OCA2: variants seen among roughly 807,000 people sequenced by gnomAD.
OCA2 encodes the protein OCA2 melanosomal transmembrane protein.
Under a neutral mutation model 100.2 loss-of-function variants are expected in OCA2, and 77 were observed. The ratio of observed to expected loss-of-function variants is 0.77; its 90% confidence interval spans 0.64 to 0.93. The LOEUF is 0.93. Among genes scored for constraint, OCA2 ranks in the 40% least tolerant of loss-of-function variants. The pLI, the probability that OCA2 is intolerant of heterozygous loss-of-function variation, is 0.00. For missense variants in OCA2, 1,062 were observed against 1,089.1 expected (o/e 0.98, Z 0.35); for synonymous variants, 432 against 439.2 (o/e 0.98, Z 0.21).
intron 1 of OCA2, among the ~76,000 whole-genome samples, chr15:28,098,312 T>G (rs996673132): frequency 1.3e-5 from 2 of 152,234 alleles, no homozygotes; most frequent in African/African-American, 4.8e-5. Flanking sequence ...CTATGAGAGA[T>G]AGTTATCCCC....
At chr15:27,770,779 A>ATCCTTCCTCCCTCCCTCTTT (rs2031688436) in intron 23 of OCA2, among the ~76,000 whole-genome samples, 2 of 61,756 alleles carry the variant, frequency 3.2e-5, no homozygotes, top group East Asian at 2.8e-4. Flanking sequence ...CCTCCCTTCC[A>ATCCTTCCTCCCTCCCTCTTT]TCCTTCCTTC....
At chr15:28,082,281 A>C (rs1038960991) in intron 1 of OCA2, among the ~76,000 whole-genome samples, 2 of 152,158 alleles carry the variant, frequency 1.3e-5, no homozygotes, top group African/African-American at 2.4e-5. Context: ...AGGGAATAAA[A>C]GGCTGGCTAC....
the OCA2 span, among the ~76,000 whole-genome samples, chr15:27,742,746 A>G: frequency 2.1e-3 from 325 of 152,316 alleles, 3 homozygotes; most frequent in African/African-American, 7.2e-3. Flanking sequence ...CTTTATATGT[A>G]TGATAGAATC....
At position 27,895,351 on chromosome 15, in the gene OCA2, G is replaced by A. The variant is rs556860487; in HGVS notation, c.2080-23429C>T. Among the ~76,000 whole-genome samples the A allele has an allele frequency of 2.8e-3, 424 of 152,312 alleles. 3 individuals are homozygous for A. Among genetic ancestry groups the A allele is most frequent in the African/African-American group, 9.8e-3 (408 of 41,560 alleles). The stretch of plus-strand genomic sequence containing the variant: ...AAAATGTGGAAGCAACTTTGGAACC[G>A]GGTGACAGGCAGAGGTTGGAACAGT... On this transcript the variant is annotated intron_variant, in intron 19 of 23. Coordinates refer to ENST00000354638, the MANE Select transcript of OCA2 (RefSeq NM_000275.3).
intron 14 of OCA2, among the ~76,000 whole-genome samples, chr15:27,978,671 T>TATAG (rs2041045962): frequency 6.6e-6 from 1 of 151,194 alleles, no homozygotes; most frequent in African/African-American, 2.4e-5. Flanking sequence ...TGTATATATA[T>TATAG]AGAGAGAGAG....
intron 19 of OCA2, among the ~76,000 whole-genome samples, chr15:27,887,484 TACC>T (rs1437962021): frequency 1.3e-5 from 2 of 150,868 alleles, no homozygotes; most frequent in African/African-American, 4.9e-5. Flanking sequence ...TACAAAGAGA[TACC>T]AGTGACTGGA....
intron 21 of OCA2, 126 bp downstream of exon 21, chr15:27,871,028 G>C: frequency 2.6e-6 from 2 of 775,268 alleles, no homozygotes; most frequent in South Asian, 2.9e-5. Flanking sequence ...GCTCACTTTC[G>C]TCCTCTACAC....
At chr15:27,813,575 G>T (rs1260638782) in intron 23 of OCA2, among the ~76,000 whole-genome samples, 3 of 152,208 alleles carry the variant, frequency 2.0e-5, no homozygotes, top group African/African-American at 7.2e-5. Flanking sequence ...AAAGCCATGA[G>T]ACATTAAAGC....
chr15:27,907,369 G>T (rs191509648), intron 19 of OCA2, among the ~76,000 whole-genome samples: 26 of 152,102 alleles, frequency 1.7e-4, no homozygotes, highest in African/African-American at 6.0e-4. Context: ...TTTAAGGGAT[G>T]CATTTAAAGC....
chr15:28,027,187 C>T (rs572550773), intron 4 of OCA2, among the ~76,000 whole-genome samples: 1 of 152,350 alleles, frequency 6.6e-6, no homozygotes, highest in South Asian at 2.1e-4. Flanking sequence ...CGCGCACACG[C>T]TCGGCCTCCC....
chr15:27,846,623 C>G (rs1451253878), intron 22 of OCA2, among the ~76,000 whole-genome samples: 3 of 152,336 alleles, frequency 2.0e-5, no homozygotes, highest in South Asian at 2.1e-4. Flanking sequence ...GCATTTCACC[C>G]TGTCTGCTGT....
At chr15:27,983,266 A>G in intron 14 of OCA2, 79 bp downstream of exon 14, 1 of 1,558,174 alleles carries the variant, frequency 6.4e-7, no homozygotes, top group Non-Finnish European at 8.8e-7. Flanking sequence ...TTTCTAACAA[A>G]GGCGTCCATG....
intron 23 of OCA2, among the ~76,000 whole-genome samples, chr15:27,774,214 C>T (rs1451384585): frequency 2.0e-5 from 3 of 151,878 alleles, no homozygotes; most frequent in Admixed American, 1.3e-4. Flanking sequence ...GTCACCTCAC[C>T]CCACTGTGGG....
At chr15:28,070,621 G>A (rs1595908707) in intron 2 of OCA2, among the ~76,000 whole-genome samples, 5 of 148,898 alleles carry the variant, frequency 3.4e-5, no homozygotes, top group Admixed American at 2.7e-4. Flanking sequence ...ACTGGGAAGT[G>A]AGGAGCCCCT....
At chr15:27,850,945 C>A (rs2035725490) in intron 22 of OCA2, among the ~76,000 whole-genome samples, 1 of 152,166 alleles carries the variant, frequency 6.6e-6, no homozygotes, top group African/African-American at 2.4e-5. Context: ...AAGTGCAATG[C>A]CCACCCCAAA....
intron 1 of OCA2, among the ~76,000 whole-genome samples, chr15:28,084,727 A>G (rs1222546240): frequency 6.6e-6 from 1 of 152,136 alleles, no homozygotes; most frequent in Non-Finnish European, 1.5e-5. Context: ...TCAGGGCTGC[A>G]GCTTCTTGCT....
intron 23 of OCA2, among the ~76,000 whole-genome samples, chr15:27,810,487 A>AGT (rs2034032676): frequency 2.0e-5 from 3 of 152,262 alleles, no homozygotes; most frequent in African/African-American, 7.2e-5. Context: ...CAAATGTGAC[A>AGT]AAAATGAAAG....
intron 23 of OCA2, among the ~76,000 whole-genome samples, chr15:27,836,647 T>C (rs991548258): frequency 1.3e-5 from 2 of 152,202 alleles, no homozygotes; most frequent in African/African-American, 2.4e-5. Flanking sequence ...TTTTGACCTT[T>C]GAGAAAATAT....
chr15:27,808,839 CTA>C (rs958597668), intron 23 of OCA2, among the ~76,000 whole-genome samples: 3 of 152,204 alleles, frequency 2.0e-5, no homozygotes, highest in African/African-American at 4.8e-5. Flanking sequence ...TTAGGCTGGC[CTA>C]TGTGTTGGCC....
Sources: allele counts gnomAD v4.1 joint callset (sites outside exome capture counted in the v4.1 genomes callset), GRCh38; gene constraint gnomAD v4.1.1; transcripts MANE v1.5; gene names NCBI Gene and HGNC (gene_info 2026-07-23, HGNC 2026-07-21).